PSD4: variants seen among roughly 807,000 people sequenced by gnomAD.
PSD4 encodes the protein pleckstrin and Sec7 domain containing 4.
PSD4 carries 59 observed loss-of-function variants against 112.5 expected under a neutral mutation model. The observed-to-expected ratio is 0.52, with a 90% CI of 0.43 to 0.65. PSD4 has a LOEUF of 0.65. Ranked by LOEUF, PSD4 falls within the 30% of genes least tolerant of loss-of-function variation. The pLI, the probability that PSD4 is intolerant of heterozygous loss-of-function variation, is 0.00. For synonymous variants in PSD4, 533 were observed against 540.0 expected, an observed-to-expected ratio of 0.99 and a Z score of 0.18; for missense variants, 1,267 against 1,352.6, an observed-to-expected ratio of 0.94 and a Z score of 0.99.
rs1030614747 is a variant in PSD4, at chr2:113,185,925, C to T, written c.1298C>T (p.Ala433Val). The change falls in exon 5 of 17, where the codon GCC (alanine) becomes GTC (valine). Residue 433 changes from alanine to valine, a missense_variant. Coordinates refer to ENST00000245796, the MANE Select transcript of PSD4 (RefSeq NM_012455.3). ...HPQESLPCTL[A>V]PCPWRSPASS... The stretch of plus-strand genomic sequence containing the variant: ...CAGGAATCTCTTCCCTGCACCTTGG[C>T]CCCCTGCCCCTGGAGGAGCCCAGCT... The T allele has an allele frequency of 4.3e-6, 7 of 1,613,166 alleles. No individual in the cohort carries two copies. Among genetic ancestry groups the T allele is most frequent in the Non-Finnish European group, 5.9e-6 (7 of 1,179,504 alleles).
chr2:113,191,783 A>G (rs1323668258), intron 5 of PSD4, among the ~76,000 whole-genome samples: 5 of 152,228 alleles, frequency 3.3e-5, no homozygotes, highest in Non-Finnish European at 5.9e-5. Context: ...GGGGTCACCC[A>G]GGCCTGTTCA....
rs1224308701 is a variant in PSD4 at position 113,207,358 on chromosome 2, T to C, written c.*5943T>C. The C allele has an allele frequency of 6.6e-6, 1 of 151,864 alleles. No homozygotes were observed. The highest frequency in any genetic ancestry group is 1.5e-5 in the Non-Finnish European group (1 of 68,018). 9.4% of individuals were successfully genotyped at this position (151,864 alleles called of 1,614,324 possible). A position where few individuals can be genotyped will look rare whatever the true frequency, so the allele number is the denominator to read the frequency against. The stretch of plus-strand genomic sequence containing the variant: ...ATGATGGGGAGAAAACCGACTAATA[T>C]GCAGATGCCCTTTCCTCCAAGAGGC... On this transcript the variant is annotated 3_prime_UTR_variant, in exon 17 of 17. Transcript: ENST00000245796.
At chr2:113,181,075 A>T (rs1329758276) in intron 1 of PSD4, among the ~76,000 whole-genome samples, 1 of 151,964 alleles carries the variant, frequency 6.6e-6, no homozygotes, top group Non-Finnish European at 1.5e-5. Flanking sequence ...AAAAAAAAAA[A>T]AAATTAGCAG....
chr2:113,205,352 G>T lies in PSD4; in HGVS notation c.*3937G>T, dbSNP rs762971754. On this transcript the variant is annotated 3_prime_UTR_variant, in exon 17 of 17. Transcript: ENST00000245796. ...GGATTTTGTTTTAAGAAGATGAGCTGGGCGCGGTGGCTCATGCCTGTAATC... is the reference window on the plus strand; with the variant it reads ...GGATTTTGTTTTAAGAAGATGAGCTTGGCGCGGTGGCTCATGCCTGTAATC... The T allele has an allele frequency of 6.6e-6, 1 of 152,208 alleles. No homozygotes were observed. Among genetic ancestry groups the T allele is most frequent in the Non-Finnish European group, 1.5e-5 (1 of 68,072 alleles). 9.4% of individuals were successfully genotyped at this position (152,208 alleles called of 1,614,324 possible).
In PSD4 at chr2:113,199,224, G is replaced by C. The variant is rs953382902; in HGVS notation, c.2911G>C (p.Glu971Gln). Residue 971 changes from glutamate to glutamine, a missense_variant and splice_region_variant, in exon 16 of 17, where the codon GAG becomes CAG. Glu to Gln is a conservative substitution (Grantham distance 29). Around this residue, in one of 2 missense-constraint regions of PSD4, gnomAD observed 544 missense variants for 648.6 expected, o/e 0.84. Transcript: ENST00000245796. ...CCTGCGGAAGGAGTACCTGGAGTACGAGGTGAGCGGCCGAGCCCACCTCCC... is the reference window on the plus strand; with the variant it reads ...CCTGCGGAAGGAGTACCTGGAGTACCAGGTGAGCGGCCGAGCCCACCTCCC... Reference protein sequence around the residue: ...HRLRKEYLEYEKTRYETYVQL... With the variant: ...HRLRKEYLEYQKTRYETYVQL... The C allele has an allele frequency of 9.4e-6, 14 of 1,494,112 alleles. No individual in the cohort carries two copies. Among genetic ancestry groups the C allele is most frequent in the Non-Finnish European group, 1.2e-5 (13 of 1,127,348 alleles). 92.6% of individuals were successfully genotyped at this position (1,494,112 alleles called of 1,614,324 possible). A position where few individuals can be genotyped will look rare whatever the true frequency, so the allele number is the denominator to read the frequency against.
intron 15 of PSD4, 60 bp from the exon 16 acceptor site, chr2:113,199,023 G>C: frequency 6.6e-7 from 1 of 1,510,558 alleles, no homozygotes; most frequent in Non-Finnish European, 8.8e-7. Flanking sequence ...GCGCGCCCGG[G>C]CCCGGAAAGC....
intron 15 of PSD4, 26 bp downstream of exon 15, chr2:113,198,910 T>C: frequency 1.3e-6 from 2 of 1,553,794 alleles, no homozygotes; most frequent in Non-Finnish European, 1.7e-6. Flanking sequence ...AGGGGTGGGG[T>C]CCGGCGGAAC....
Position 113,193,386 on chromosome 2 carries a change from C to T in PSD4, c.2032+16C>T, listed in dbSNP as rs1304337805. On this transcript the variant is annotated intron_variant, in intron 8 of 16. Transcript: ENST00000245796. Reference sequence around the variant, plus strand: ...CCCTCAGTAGGTAGGGAGGGGCTGGCCCTGACAGCAAAGCAGGGAAACTTT... The same window carrying T: ...CCCTCAGTAGGTAGGGAGGGGCTGGTCCTGACAGCAAAGCAGGGAAACTTT... 1.9e-6 allele frequency: 3 copies of T among 1,606,308 alleles called. No homozygotes were observed. Among genetic ancestry groups the T allele is most frequent in the African/African-American group, 2.7e-5 (2 of 74,350 alleles).
In PSD4 at chr2:113,193,899, A is replaced by T; in HGVS notation, c.2132A>T (p.Asn711Ile). 6.2e-7 allele frequency: 1 copy of T among 1,614,110 alleles called. No individual in the cohort carries two copies. Among genetic ancestry groups the T allele is most frequent in the South Asian group, 1.1e-5 (1 of 91,082 alleles). ...ATGAGCTGCCAGGAATTCATAACCA[A>T]CCTGAATGGGCTGAGGGATGGCGGG... ...KSMSCQEFITNLNGLRDGGNF... is the reference protein window; with the variant it reads ...KSMSCQEFITILNGLRDGGNF... The change falls in exon 10 of 17, where the codon AAC becomes ATC. Residue 711 changes from asparagine to isoleucine, a missense_variant. By Grantham distance (149) the Asn-to-Ile change is moderately radical. This residue lies in a region of PSD4 where 544 missense variants were observed against 648.6 expected (regional missense o/e 0.84). Coordinates refer to ENST00000245796, the MANE Select transcript of PSD4 (RefSeq NM_012455.3).
At chr2:113,188,765 A>G (rs1047113678) in intron 5 of PSD4, among the ~76,000 whole-genome samples, 1 of 151,964 alleles carries the variant, frequency 6.6e-6, no homozygotes, top group Non-Finnish European at 1.5e-5. Context: ...TATTTTTAGT[A>G]GAGACGGGGT....
intron 16 of PSD4, among the ~76,000 whole-genome samples, 180 bp downstream of exon 16, chr2:113,199,406 G>T (rs547250666): frequency 1.3e-5 from 2 of 152,360 alleles, no homozygotes; most frequent in African/African-American, 4.8e-5. Flanking sequence ...ATGGACACCC[G>T]CGTGCACGGG....
chr2:113,203,006 T>G lies in PSD4; in HGVS notation c.*1591T>G, dbSNP rs528011749. ...GCTTCATCCCTCTTTGCTCCAAGTG[T>G]GTATGTGTGTCTGTGCATGTGTGTA... On this transcript the variant is annotated 3_prime_UTR_variant, in exon 17 of 17. Transcript: ENST00000245796. 2.2e-4 allele frequency: 34 copies of G among 152,444 alleles called. No homozygotes were observed. Among genetic ancestry groups the G allele is most frequent in the Admixed American group, 1.8e-3 (28 of 15,304 alleles). The allele number at this position is 152,444 out of a possible 1,614,324, so 9.4% of individuals were successfully genotyped here. A position where few individuals can be genotyped will look rare whatever the true frequency, so the allele number is the denominator to read the frequency against.
chr2:113,199,358 C>G, intron 16 of PSD4, 132 bp downstream of exon 16: 1 of 1,150,606 alleles, frequency 8.7e-7, no homozygotes, highest in Admixed American at 4.3e-5. Context: ...GCGGGCGGGG[C>G]CCGCGTGCGC....
At chr2:113,192,708 T>TC in intron 6 of PSD4, 119 bp downstream of exon 6, 1 of 1,062,360 alleles carries the variant, frequency 9.4e-7, no homozygotes, top group Non-Finnish European at 1.4e-6. Context: ...CCTTCCCATC[T>TC]CCCCTCCTAA....
chr2:113,193,830 C>G (rs577572512), intron 9 of PSD4, 29 bp from the exon 10 acceptor site: 3 of 1,607,474 alleles, frequency 1.9e-6, no homozygotes, highest in African/African-American at 2.7e-5. Flanking sequence ...GGTGTGTGCT[C>G]GAGTCATCCC....
rs1177567694 is a variant in PSD4, at chr2:113,202,335, T to G, written c.*920T>G. 4.6e-5 allele frequency: 7 copies of G among 152,334 alleles called. No individual in the cohort carries two copies. Among genetic ancestry groups the G allele is most frequent in the Admixed American group, 3.9e-4 (6 of 15,278 alleles). 9.4% of individuals were successfully genotyped at this position (152,334 alleles called of 1,614,324 possible). On this transcript the variant is annotated 3_prime_UTR_variant, in exon 17 of 17. Coordinates refer to ENST00000245796, the MANE Select transcript of PSD4 (RefSeq NM_012455.3). Reference sequence around the variant, plus strand: ...CGACAGTTTCCCTTAGGGGTCTGCCTGGCAGGAGCCACAGCTCAGGAGAGT... The same window carrying G: ...CGACAGTTTCCCTTAGGGGTCTGCCGGGCAGGAGCCACAGCTCAGGAGAGT...
Position 113,201,449 on chromosome 2 carries a change from T to G in PSD4, c.*34T>G. On this transcript the variant is annotated 3_prime_UTR_variant, in exon 17 of 17. Transcript: ENST00000245796. ...CCACCTCAGAGACACTGTTCCCTGC[T>G]CCAGGGTAGACCTGAGATGAACCTC... is the stretch of plus-strand genomic sequence containing the variant. The G allele has an allele frequency of 6.2e-7, 1 of 1,608,152 alleles. No homozygotes were observed. Among genetic ancestry groups the G allele is most frequent in the East Asian group, 2.2e-5 (1 of 44,832 alleles).
intron 1 of PSD4, among the ~76,000 whole-genome samples, chr2:113,178,378 C>G (rs1272243698): frequency 1.3e-5 from 2 of 151,930 alleles, no homozygotes; most frequent in African/African-American, 4.8e-5. Flanking sequence ...CCCCAGAGAT[C>G]TGCTCTCTTC....
Position 113,201,355 on chromosome 2 carries a change from C to T in PSD4, c.3111C>T (p.Asn1037=). The change falls in exon 17 of 17, where the codon AAC becomes AAT. Residue 1037 remains asparagine, a synonymous_variant. Coordinates refer to ENST00000245796, the MANE Select transcript of PSD4 (RefSeq NM_012455.3). Reference sequence around the variant, plus strand: ...CCACCACGGCCAAGGTGAAGCGCAACATCTCAGAGCGCAGAACCTACCGGA... The same window carrying T: ...CCACCACGGCCAAGGTGAAGCGCAATATCTCAGAGCGCAGAACCTACCGGA... ...EAPTTAKVKR[N]ISERRTYRKI... 1 of 1,614,202 alleles carries T rather than the reference C, an allele frequency of 6.2e-7. No individual in the cohort carries two copies. Among genetic ancestry groups the T allele is most frequent in the Non-Finnish European group, 8.5e-7 (1 of 1,180,038 alleles).
Sources: allele counts gnomAD v4.1 joint callset (sites outside exome capture counted in the v4.1 genomes callset), GRCh38; gene constraint gnomAD v4.1.1; regional missense constraint gnomAD v4.1.1; transcripts MANE v1.5; gene names NCBI Gene and HGNC (gene_info 2026-07-23, HGNC 2026-07-21).